Variants in FKTN observed in about 807,000 individuals in gnomAD.
FKTN encodes fukutin, also known as ribitol-5-phosphate transferase FKTN.
A neutral mutation model predicts 58.6 loss-of-function variants in FKTN; 47 were observed. The observed-to-expected ratio is 0.80, with a 90% CI of 0.63 to 1.02. The LOEUF (loss-of-function observed/expected upper bound fraction) is 1.02. FKTN is among the 50% of genes least tolerant of loss of function. The probability of loss-of-function intolerance (pLI) is 0.00; values close to 1 mark genes in which losing one functional copy is unlikely to be tolerated. For missense variants in FKTN, 516 were observed against 537.3 expected (o/e 0.96, Z 0.39); for synonymous variants, 178 against 191.9 (o/e 0.93, Z 0.60).
chr9:105,621,475 A>G, intron 10 of FKTN, among the ~76,000 whole-genome samples: 1 of 152,258 alleles, frequency 6.6e-6, no homozygotes, highest in African/African-American at 2.4e-5. Context: ...TACATTACAT[A>G]GTTAAAATAT....
At chr9:105,560,424 A>G (rs2131630570) in intron 1 of FKTN, among the ~76,000 whole-genome samples, 1 of 152,352 alleles carries the variant, frequency 6.6e-6, no homozygotes, top group South Asian at 2.1e-4. Context: ...GATCCTGTTT[A>G]GCAAATATGG....
At chr9:105,598,974 T>A (rs2132651214) in intron 4 of FKTN, among the ~76,000 whole-genome samples, 1 of 152,052 alleles carries the variant, frequency 6.6e-6, no homozygotes, top group East Asian at 1.9e-4. Flanking sequence ...ATTGGACTAT[T>A]AAAATTTTAA....
chr9:105,593,755 T>G (rs1845328958), intron 3 of FKTN, among the ~76,000 whole-genome samples: 1 of 152,098 alleles, frequency 6.6e-6, no homozygotes, highest in Non-Finnish European at 1.5e-5. Context: ...GTGAATGAAG[T>G]GTTTCAGTGA....
chr9:105,625,785 T>C (rs759427650), intron 10 of FKTN, among the ~76,000 whole-genome samples: 2 of 151,862 alleles, frequency 1.3e-5, no homozygotes, highest in Non-Finnish European at 2.9e-5. Context: ...ACAAAGCAAA[T>C]GTATGGCTCC....
chr9:105,607,874 C>G lies in FKTN; in HGVS notation c.703C>G (p.Pro235Ala). 6.2e-7 allele frequency: 1 copy of G among 1,611,132 alleles called. No homozygotes were observed. Among genetic ancestry groups the G allele is most frequent in the Non-Finnish European group, 8.5e-7 (1 of 1,177,546 alleles). Residue 235 changes from proline to alanine, a missense_variant, in exon 7 of 11, where the codon CCA becomes GCA. Physicochemically the swap from Pro to Ala is conservative, Grantham distance 27. Transcript: ENST00000357998. ...ACTGGAAGTTCTCATTCCAAAGGAT[C>G]CAATGCACTTTGTAGAAGAAGTACC... ...DGLEVLIPKD[P>A]MHFVEEVPHS...
chr9:105,584,632 C>A (rs1843593942), intron 3 of FKTN, among the ~76,000 whole-genome samples: 1 of 151,996 alleles, frequency 6.6e-6, no homozygotes, highest in African/African-American at 2.4e-5. Context: ...CCAGCCATGG[C>A]ACCATGGCAA....
intron 1 of FKTN, among the ~76,000 whole-genome samples, chr9:105,560,477 A>G (rs940929574): frequency 6.6e-6 from 1 of 152,204 alleles, no homozygotes; most frequent in Non-Finnish European, 1.5e-5. Flanking sequence ...TGTTTCTCCT[A>G]GGATAAAATA....
In FKTN at chr9:105,601,159, A is replaced by T. The variant is rs886042513; in HGVS notation, c.180A>T (p.Lys60Asn). 6.2e-7 allele frequency: 1 copy of T among 1,601,646 alleles called. No homozygotes were observed. The highest frequency in any genetic ancestry group is 8.6e-7 in the Non-Finnish European group (1 of 1,169,560). The change falls in exon 5 of 11, where the codon AAA (lysine) becomes AAT (asparagine). Residue 60 changes from lysine (K) to asparagine (N), a missense_variant. Lys to Asn is a moderately conservative substitution (Grantham distance 94). Transcript: ENST00000357998. The part of the protein sequence containing the change: ...FDSTQWRAVK[K>N]FIMLTSNQNV... ...CTCTCAAACAGCGTGCAGTTAAAAA[A>T]TTTATTATGTTAACATCCAACCAAA...
intron 10 of FKTN, among the ~76,000 whole-genome samples, chr9:105,626,981 CTTT>C (rs60710867): frequency 1.6e-4 from 21 of 128,006 alleles, no homozygotes; most frequent in Admixed American, 2.4e-4. Context: ...CTTCTTTATT[CTTT>C]TTTTTTTTTT....
intron 10 of FKTN, among the ~76,000 whole-genome samples, chr9:105,628,875 T>A (rs1415797089): frequency 4.6e-5 from 7 of 152,140 alleles, no homozygotes; most frequent in East Asian, 1.9e-4. Context: ...CAACCAACAG[T>A]GTAATAAGAT....
chr9:105,585,288 G>C (rs774434930), intron 3 of FKTN, among the ~76,000 whole-genome samples: 23 of 152,078 alleles, frequency 1.5e-4, no homozygotes, highest in African/African-American at 4.3e-4. Context: ...AGCTGGTTGT[G>C]GTGGTGCACG....
In FKTN at chr9:105,638,493, C is replaced by T. The variant is rs1424088649; in HGVS notation, c.*3229C>T. ...CTAAGCTCAAGATGCATCCCATTGCCACTTTACCATTCTATTTCCCAAGGG... is the reference window on the plus strand; with the variant it reads ...CTAAGCTCAAGATGCATCCCATTGCTACTTTACCATTCTATTTCCCAAGGG... On this transcript the variant is annotated 3_prime_UTR_variant, in exon 11 of 11. Coordinates refer to ENST00000357998, the MANE Select transcript of FKTN (RefSeq NM_001079802.2). 1.0e-6 allele frequency: 1 copy of T among 985,244 alleles called. No homozygotes were observed. Among genetic ancestry groups the T allele is most frequent in the Non-Finnish European group, 1.2e-6 (1 of 829,908 alleles). 61.0% of individuals were successfully genotyped at this position (985,244 alleles called of 1,614,324 possible). A position where few individuals can be genotyped will look rare whatever the true frequency, so the allele number is the denominator to read the frequency against.
intron 3 of FKTN, among the ~76,000 whole-genome samples, chr9:105,581,400 C>A (rs1842865891): frequency 1.3e-5 from 2 of 148,792 alleles, no homozygotes; most frequent in South Asian, 2.1e-4. Flanking sequence ...GGACCCTCAG[C>A]TGCAGGTCTG....
chr9:105,587,308 G>A (rs910092153), intron 3 of FKTN, among the ~76,000 whole-genome samples: 2 of 152,114 alleles, frequency 1.3e-5, no homozygotes, highest in Admixed American at 1.3e-4. Context: ...TAGAAGGAGG[G>A]AGGAGGGAGT....
chr9:105,562,240 C>T (rs994226910), intron 1 of FKTN, among the ~76,000 whole-genome samples: 2 of 152,362 alleles, frequency 1.3e-5, no homozygotes, highest in Admixed American at 6.5e-5. Flanking sequence ...TTACTCAAAT[C>T]AGTCTCGCCA....
In FKTN at chr9:105,636,583, CTCTCTTATATCACT is replaced by C; in HGVS notation, c.*1321_*1334del. On this transcript the variant is annotated 3_prime_UTR_variant, in exon 11 of 11. Coordinates refer to ENST00000357998, the MANE Select transcript of FKTN (RefSeq NM_001079802.2). ...AGCTAGGATGCTGTTTACCCCATCT[CTCTCTTATATCACT>C]TGAATGATATATTGTAAGTGAGAGG... 1.0e-5 allele frequency: 11 copies of C among 1,077,128 alleles called. No individual in the cohort carries two copies. Among genetic ancestry groups the C allele is most frequent in the Non-Finnish European group, 1.0e-5 (9 of 868,036 alleles). 66.7% of individuals were successfully genotyped at this position (1,077,128 alleles called of 1,614,324 possible).
At position 105,599,475 on chromosome 9, in the gene FKTN, C is replaced by CTTT. The variant is rs56397759; in HGVS notation, c.166-1654_166-1652dup. ...TTTGTAAGGTCTTTGTCAGGTTTTGCTTTTTTTTTTTTTTTTTTGAGATGA... is the reference window on the plus strand; with the variant it reads ...TTTGTAAGGTCTTTGTCAGGTTTTGCTTTTTTTTTTTTTTTTTTTTTGAGATGA... On this transcript the variant is annotated intron_variant, in intron 4 of 10. Coordinates refer to ENST00000357998, the MANE Select transcript of FKTN (RefSeq NM_001079802.2). 2.7e-4 allele frequency among the ~76,000 whole-genome samples: 27 copies of CTTT among 101,154 alleles called. 1 individual carries two copies. Among genetic ancestry groups the CTTT allele is most frequent in the Admixed American group, 1.1e-3 (10 of 9,128 alleles). 66.4% of individuals were successfully genotyped at this position (101,154 alleles called of 152,430 possible).
intron 10 of FKTN, among the ~76,000 whole-genome samples, chr9:105,626,538 G>A (rs1215786453): frequency 6.6e-6 from 1 of 152,154 alleles, no homozygotes; most frequent in East Asian, 1.9e-4. Flanking sequence ...TAGGATTTCA[G>A]CATATGAATT....
chr9:105,614,477 A>G (rs1421913742), intron 7 of FKTN, among the ~76,000 whole-genome samples: 3 of 152,202 alleles, frequency 2.0e-5, no homozygotes, highest in Admixed American at 6.5e-5. Flanking sequence ...TGAGGATGAT[A>G]TGTACATGGT....
Sources: allele counts gnomAD v4.1 joint callset (sites outside exome capture counted in the v4.1 genomes callset), GRCh38; gene constraint gnomAD v4.1.1; transcripts MANE v1.5; gene names NCBI Gene and HGNC (gene_info 2026-07-23, HGNC 2026-07-21).